Variants in NKAIN2 observed in about 807,000 individuals in gnomAD.
NKAIN2 encodes sodium/potassium transporting ATPase interacting 2, also known as sodium/potassium-transporting ATPase subunit beta-1-interacting protein 2.
A neutral mutation model predicts 32.6 loss-of-function variants in NKAIN2; 14 were observed. The ratio of observed to expected loss-of-function variants is 0.43; its 90% CI spans 0.28 to 0.67. The LOEUF (loss-of-function observed/expected upper bound fraction) is 0.67. NKAIN2 is among the 30% of genes least tolerant of loss of function. The pLI is 0.17. For synonymous variants in NKAIN2, 80 were observed against 87.2 expected (o/e 0.92, Z 0.46); for missense variants, 198 against 258.3 (o/e 0.77, Z 1.60).
intron 4 of NKAIN2, among the ~76,000 whole-genome samples, chr6:124,690,947 A>G (rs575288669): frequency 6.6e-6 from 1 of 152,092 alleles, no homozygotes; most frequent in Non-Finnish European, 1.5e-5. Flanking sequence ...CATTCTCTCC[A>G]ATCTACCCTC....
intron 3 of NKAIN2, among the ~76,000 whole-genome samples, chr6:124,572,846 T>C (rs923487853): frequency 4.6e-5 from 7 of 152,130 alleles, no homozygotes; most frequent in African/African-American, 1.4e-4. Flanking sequence ...ATTTTATTTA[T>C]TTATTTATTT....
chr6:123,823,312 T>C (rs937585686), intron 1 of NKAIN2: 5 of 152,170 alleles, frequency 3.3e-5, no homozygotes, highest in African/African-American at 1.2e-4. Flanking sequence ...GTGAAAATAA[T>C]GGATACAAAT....
At chr6:124,349,088 A>G (rs1485689046) in intron 2 of NKAIN2, among the ~76,000 whole-genome samples, 3 of 152,140 alleles carry the variant, frequency 2.0e-5, no homozygotes, top group Non-Finnish European at 4.4e-5. Context: ...TTATTGTTGT[A>G]GGAAAAAACC....
rs60161007 is a variant in NKAIN2, at chr6:124,000,612, T to C, written c.54+196358T>C. ...CTGTGGATAATTTTTTCCCTATACG[T>C]CTAGAAACCTGGGTTCTTAAATTAT... On this transcript the variant is annotated intron_variant, in intron 1 of 6. Transcript: ENST00000368417. Among the ~76,000 whole-genome samples, 583 of 152,140 alleles carry C rather than the reference T, an allele frequency of 3.8e-3. 6 individuals are homozygous for C. The highest frequency in any genetic ancestry group is 0.013 in the African/African-American group (558 of 41,536).
intron 2 of NKAIN2, among the ~76,000 whole-genome samples, chr6:124,330,354 C>G (rs1797604514): frequency 1.3e-5 from 2 of 152,056 alleles, no homozygotes; most frequent in Non-Finnish European, 2.9e-5. Flanking sequence ...TTTCCAGGAA[C>G]AATTGTAATG....
In NKAIN2 at chr6:124,440,902, G is replaced by GT. The variant is rs202230225; in HGVS notation, c.273+85556dup. The stretch of plus-strand genomic sequence containing the variant: ...TCCAAGTGGTTCTCTAGGAATGATT[G>GT]TAAGTAGGTCCATTCCTACTTTGAC... On this transcript the variant is annotated intron_variant, in intron 3 of 6. Transcript: ENST00000368417. Among the ~76,000 whole-genome samples, 843 of 152,140 alleles carry GT rather than the reference G, an allele frequency of 5.5e-3. 6 individuals carry two copies. The highest frequency in any genetic ancestry group is 0.019 in the African/African-American group (810 of 41,556).
rs189821002 is a variant in NKAIN2 at position 124,695,309 on chromosome 6, C to T, written c.474+36923C>T. ...AGACTGCAGAAGATTTAGATACAAA[C>T]GTATATGTCAGAGAGATTGACCAGC... is the stretch of plus-strand genomic sequence containing the variant. On this transcript the variant is annotated intron_variant, in intron 4 of 6. Transcript: ENST00000368417. Among the ~76,000 whole-genome samples the T allele has an allele frequency of 3.1e-3, 477 of 152,206 alleles. 4 individuals are homozygous for T. Among genetic ancestry groups the T allele is most frequent in the African/African-American group, 4.5e-3 (187 of 41,550 alleles).
At chr6:124,807,420 A>G (rs1229288712) in intron 5 of NKAIN2, among the ~76,000 whole-genome samples, 1 of 151,754 alleles carries the variant, frequency 6.6e-6, no homozygotes, top group East Asian at 1.9e-4. Flanking sequence ...AGGCAGAAAT[A>G]AAGATGTTCT....
chr6:124,538,136 T>C (rs1026616521), intron 3 of NKAIN2, among the ~76,000 whole-genome samples: 4 of 152,030 alleles, frequency 2.6e-5, no homozygotes, highest in Non-Finnish European at 5.9e-5. Context: ...TTATAGTCAA[T>C]AGTTAGTTTA....
chr6:124,031,097 A>G (rs1301400605), intron 1 of NKAIN2, among the ~76,000 whole-genome samples: 2 of 152,102 alleles, frequency 1.3e-5, no homozygotes, highest in Non-Finnish European at 2.9e-5. Flanking sequence ...AATAACAAAG[A>G]CTGATGGGGT....
chr6:123,878,638 T>C (rs1294795066), intron 1 of NKAIN2, among the ~76,000 whole-genome samples: 1 of 152,194 alleles, frequency 6.6e-6, no homozygotes, highest in African/African-American at 2.4e-5. Context: ...ATATTCATTA[T>C]TTAAATTTTT....
intron 1 of NKAIN2, among the ~76,000 whole-genome samples, chr6:124,031,479 C>G (rs930799444): frequency 6.6e-6 from 1 of 152,110 alleles, no homozygotes; most frequent in Non-Finnish European, 1.5e-5. Flanking sequence ...TCTTGCTTCT[C>G]TAGTTCTTTT....
chr6:124,160,086 A>C (rs954008245), intron 1 of NKAIN2, among the ~76,000 whole-genome samples: 9 of 152,186 alleles, frequency 5.9e-5, no homozygotes, highest in African/African-American at 2.2e-4. Context: ...CCTAGCTTAC[A>C]GATCCTCCCA....
intron 1 of NKAIN2, among the ~76,000 whole-genome samples, chr6:124,224,739 A>G (rs1036099606): frequency 6.6e-6 from 1 of 152,244 alleles, no homozygotes; most frequent in East Asian, 1.9e-4. Context: ...TTTCCTTAAT[A>G]CATGGGTCAC....
At chr6:124,572,939 A>C (rs1781183945) in intron 3 of NKAIN2, among the ~76,000 whole-genome samples, 1 of 151,994 alleles carries the variant, frequency 6.6e-6, no homozygotes, top group Non-Finnish European at 1.5e-5. Context: ...TCCCCAGTTC[A>C]AGCAATTCTC....
At chr6:124,333,435 G>A (rs1239641675) in intron 2 of NKAIN2, among the ~76,000 whole-genome samples, 1 of 151,502 alleles carries the variant, frequency 6.6e-6, no homozygotes, top group Non-Finnish European at 1.5e-5. Flanking sequence ...CAAAGCGGGG[G>A]GATCACCTGA....
intron 3 of NKAIN2, among the ~76,000 whole-genome samples, chr6:124,629,129 T>G (rs1783466202): frequency 6.6e-6 from 1 of 152,108 alleles, no homozygotes; most frequent in African/African-American, 2.4e-5. Flanking sequence ...AGGAATGAAA[T>G]GGAAATTCTT....
chr6:124,531,635 T>C (rs9385338), intron 3 of NKAIN2, among the ~76,000 whole-genome samples: 8,457 of 152,248 alleles, frequency 0.056, 585 homozygotes, highest in East Asian at 0.17. Context: ...CTTGGGGAGA[T>C]AGGCAGTGAA....
intron 3 of NKAIN2, among the ~76,000 whole-genome samples, chr6:124,489,347 A>G (rs1180640701): frequency 2.0e-5 from 3 of 151,890 alleles, no homozygotes; most frequent in East Asian, 1.9e-4. Context: ...TGAACCTCAA[A>G]TGTTTATCAC....
Sources: allele counts gnomAD v4.1 joint callset (sites outside exome capture counted in the v4.1 genomes callset), GRCh38; gene constraint gnomAD v4.1.1; transcripts MANE v1.5; gene names NCBI Gene and HGNC (gene_info 2026-07-23, HGNC 2026-07-21).